Variants in PACRG observed in about 807,000 individuals in gnomAD.
The protein encoded by PACRG is parkin coregulated gene protein.
Under a neutral mutation model 29.7 loss-of-function variants are expected in PACRG, and 29 were observed. The ratio of observed to expected loss-of-function variants is 0.98; its 90% CI spans 0.73 to 1.33. The LOEUF is 1.33. PACRG is among the 40% of genes most tolerant of loss of function. The pLI is 0.00. For missense variants in PACRG, 279 were observed against 316.2 expected (o/e 0.88, Z 0.89); for synonymous variants, 116 against 118.7 (o/e 0.98, Z 0.15).
chr6:163,065,654 A>G lies in PACRG; in HGVS notation c.463+3333A>G, dbSNP rs1811475775. ...TACCTCAACAACATCTGGCATATGA[A>G]CCAGAAGAAACTTGTAGAAACTTGT... is the stretch of plus-strand genomic sequence containing the variant. On this transcript the variant is annotated intron_variant, in intron 3 of 4. Transcript: ENST00000366888. 2.0e-5 allele frequency among the ~76,000 whole-genome samples: 3 copies of G among 152,224 alleles called. No homozygotes were observed. In the South Asian group the frequency reaches 6.2e-4, roughly 32 times the overall value.
chr6:162,872,575 A>AAAATTAG (rs1792915420), intron 2 of PACRG, among the ~76,000 whole-genome samples: 1 of 152,250 alleles, frequency 6.6e-6, no homozygotes, highest in African/African-American at 2.4e-5. Flanking sequence ...ACATAATTAG[A>AAAATTAG]AAATTAGAAA....
At chr6:163,186,157 G>C (rs554809129) in intron 4 of PACRG, among the ~76,000 whole-genome samples, 1 of 152,270 alleles carries the variant, frequency 6.6e-6, no homozygotes, top group African/African-American at 2.4e-5. Flanking sequence ...CTAGCCAGGG[G>C]GCTTCGTTGT....
At chr6:162,857,419 C>T (rs1338121849) in intron 2 of PACRG, among the ~76,000 whole-genome samples, 1 of 152,328 alleles carries the variant, frequency 6.6e-6, no homozygotes, top group East Asian at 1.9e-4. Flanking sequence ...AGTAGAGATG[C>T]TTTACAAAAT....
intron 2 of PACRG, among the ~76,000 whole-genome samples, chr6:162,819,181 G>T (rs190310187): frequency 6.6e-6 from 1 of 152,136 alleles, no homozygotes; most frequent in Non-Finnish European, 1.5e-5. Flanking sequence ...GCAGGTATAT[G>T]TGAGAATGGA....
At chr6:163,149,662 CTGG>C (rs1175744309) in intron 4 of PACRG, among the ~76,000 whole-genome samples, 2 of 151,924 alleles carry the variant, frequency 1.3e-5, no homozygotes, top group Non-Finnish European at 2.9e-5. Flanking sequence ...CCTCCGCCCT[CTGG>C]GCGCTCCTAT....
intron 2 of PACRG, among the ~76,000 whole-genome samples, chr6:162,866,197 G>A (rs1792283762): frequency 1.3e-5 from 2 of 152,274 alleles, no homozygotes; most frequent in South Asian, 4.1e-4. Context: ...ATGCATGAGT[G>A]AGGGATGAAA....
At chr6:163,269,708 A>G (rs1783661390) in intron 4 of PACRG, among the ~76,000 whole-genome samples, 1 of 151,292 alleles carries the variant, frequency 6.6e-6, no homozygotes, top group Non-Finnish European at 1.5e-5. Flanking sequence ...ATCCATATGA[A>G]AGAAAAAATG....
intron 1 of PACRG, 67 bp downstream of exon 1, chr6:162,728,458 G>A: frequency 5.7e-6 from 9 of 1,570,394 alleles, no homozygotes; most frequent in South Asian, 2.3e-5. Context: ...ACAGAGGTTG[G>A]CCAGCCTTAG....
At chr6:163,303,366 G>A (rs1785075676) in intron 4 of PACRG, among the ~76,000 whole-genome samples, 1 of 152,034 alleles carries the variant, frequency 6.6e-6, no homozygotes, top group Non-Finnish European at 1.5e-5. Flanking sequence ...TTTTATTTTT[G>A]TGCCTCAATC....
intron 4 of PACRG, among the ~76,000 whole-genome samples, chr6:163,126,500 A>G (rs1334387879): frequency 6.6e-6 from 1 of 152,226 alleles, no homozygotes; most frequent in African/African-American, 2.4e-5. Flanking sequence ...CAAAAGGAAC[A>G]GAGCAAATGC....
rs947661448 is a variant in PACRG, at chr6:163,055,457, C to T, written c.292-6693C>T. ...ATAAACGTAATATAAGAGGGATTAC[C>T]AAAGCCTAGGCCAAATTCATCCACT... On this transcript the variant is annotated intron_variant, in intron 2 of 4. Transcript: ENST00000366888. The surrounding 1 kb of genome is among the most constrained non-coding windows in gnomAD (Gnocchi z 4.0). Among the ~76,000 whole-genome samples, 5 of 151,998 alleles carry T rather than the reference C, an allele frequency of 3.3e-5. No homozygotes were observed. Among genetic ancestry groups the T allele is most frequent in the Non-Finnish European group, 7.4e-5 (5 of 68,002 alleles).
chr6:163,025,883 AG>A (rs1298259940), intron 2 of PACRG, among the ~76,000 whole-genome samples: 1 of 152,242 alleles, frequency 6.6e-6, no homozygotes, highest in Non-Finnish European at 1.5e-5. Flanking sequence ...TGTCCAGTTT[AG>A]GCAATTAATG....
intron 2 of PACRG, among the ~76,000 whole-genome samples, chr6:162,969,450 T>C (rs1357792581): frequency 6.6e-6 from 1 of 152,018 alleles, no homozygotes; most frequent in Non-Finnish European, 1.5e-5. Flanking sequence ...CCAACCCCCT[T>C]GTCGCTCCAC....
chr6:162,836,809 A>G (rs1789269448), intron 2 of PACRG, among the ~76,000 whole-genome samples: 1 of 152,196 alleles, frequency 6.6e-6, no homozygotes, highest in African/African-American at 2.4e-5. Context: ...AGAAAACCAG[A>G]TAAATTCTAA....
intron 1 of PACRG, among the ~76,000 whole-genome samples, chr6:162,812,283 A>G (rs1226094729): frequency 6.6e-6 from 1 of 152,136 alleles, no homozygotes; most frequent in Non-Finnish European, 1.5e-5. Context: ...ATATGGATCT[A>G]TGATTATCTT....
chr6:163,170,072 C>A (rs1000997362), intron 4 of PACRG, among the ~76,000 whole-genome samples: 3 of 152,090 alleles, frequency 2.0e-5, no homozygotes, highest in Non-Finnish European at 4.4e-5. Flanking sequence ...TCTCCAAATA[C>A]AGTCACATTT....
At chr6:162,815,089 T>G (rs1787219769) in intron 2 of PACRG, among the ~76,000 whole-genome samples, 1 of 152,144 alleles carries the variant, frequency 6.6e-6, no homozygotes, top group Admixed American at 6.5e-5. Flanking sequence ...TTTGGTGATA[T>G]TTATCAACTA....
chr6:162,730,852 C>T (rs1203892358), intron 1 of PACRG, among the ~76,000 whole-genome samples: 1 of 152,162 alleles, frequency 6.6e-6, no homozygotes, highest in Non-Finnish European at 1.5e-5. Context: ...ATGAGATACA[C>T]AACTTGAAGA....
rs570445616 is a variant in PACRG at position 162,913,970 on chromosome 6, A to G, written c.291+99689A>G. On this transcript the variant is annotated intron_variant, in intron 2 of 4. Transcript: ENST00000366888. ...GTAAGCATTCTTTATATATTTTATA[A>G]ACATGCTTTGTCTATGTGTTTCAAA... Among the ~76,000 whole-genome samples the G allele has an allele frequency of 4.2e-3, 542 of 127,838 alleles. 4 individuals carry two copies. Among genetic ancestry groups the G allele is most frequent in the African/African-American group, 0.018 (489 of 27,270 alleles). 83.9% of individuals were successfully genotyped at this position (127,838 alleles called of 152,430 possible).
Sources: allele counts gnomAD v4.1 joint callset (sites outside exome capture counted in the v4.1 genomes callset), GRCh38; gene constraint gnomAD v4.1.1; non-coding constraint Gnocchi (gnomAD v3.1); transcripts MANE v1.5; gene names NCBI Gene and HGNC (gene_info 2026-07-23, HGNC 2026-07-21).